The following ELF1 variants were observed in gnomAD, a reference collection of about 807,000 sequenced individuals.
ELF1 encodes E74 like ETS transcription factor 1.
Under a neutral mutation model 59.9 loss-of-function variants are expected in ELF1, and 24 were observed. The observed-to-expected ratio is 0.40, with a 90% confidence interval of 0.29 to 0.56. ELF1 has a LOEUF of 0.56. Ranked by LOEUF, ELF1 falls within the 20% of genes least tolerant of loss-of-function variation. The pLI is 0.44. For synonymous variants in ELF1, 248 were observed against 266.2 expected, an observed-to-expected ratio of 0.93 and a Z score of 0.67; for missense variants, 627 against 742.2, an observed-to-expected ratio of 0.84 and a Z score of 1.80.
intron 1 of ELF1, among the ~76,000 whole-genome samples, chr13:41,010,200 G>T (rs1165818332): frequency 6.8e-6 from 1 of 147,630 alleles, no homozygotes; most frequent in Admixed American, 6.9e-5. Flanking sequence ...GAGCCCAGGA[G>T]TTTAAGACCA....
At chr13:40,945,522 G>A (rs1363618176) in intron 5 of ELF1, among the ~76,000 whole-genome samples, 1 of 152,102 alleles carries the variant, frequency 6.6e-6, no homozygotes, top group Non-Finnish European at 1.5e-5. Flanking sequence ...CTTGAAGAGA[G>A]GTCTTTGGTG....
intron 1 of ELF1, among the ~76,000 whole-genome samples, chr13:41,059,924 C>T (rs1877438714): frequency 6.6e-6 from 1 of 152,136 alleles, no homozygotes; most frequent in Admixed American, 6.5e-5. Flanking sequence ...TTTGGAAAGT[C>T]GATATACTTA....
At chr13:40,964,154 T>C (rs968464771) in intron 2 of ELF1, among the ~76,000 whole-genome samples, 2 of 152,208 alleles carry the variant, frequency 1.3e-5, no homozygotes, top group Non-Finnish European at 2.9e-5. Flanking sequence ...CTAAGAACTC[T>C]AGAACCACAC....
At chr13:40,964,181 T>C (rs751231294) in intron 2 of ELF1, among the ~76,000 whole-genome samples, 1 of 152,210 alleles carries the variant, frequency 6.6e-6, no homozygotes, top group Non-Finnish European at 1.5e-5. Context: ...CAATTCCTTC[T>C]AGAGAACTGC....
chr13:40,941,412 T>C, intron 7 of ELF1, 42 bp from the exon 8 acceptor site: 1 of 1,488,584 alleles, frequency 6.7e-7, no homozygotes, highest in South Asian at 1.4e-5. Context: ...CAAACATCAA[T>C]TAAAATATTC....
At chr13:41,053,353 C>CA (rs771853618) in intron 1 of ELF1, among the ~76,000 whole-genome samples, 2,002 of 125,154 alleles carry the variant, frequency 0.016, 23 homozygotes, top group African/African-American at 0.04. Flanking sequence ...GACTCCGTCT[C>CA]AAAAAAAAAA....
intron 1 of ELF1, among the ~76,000 whole-genome samples, chr13:40,997,406 C>T (rs1405040084): frequency 2.4e-4 from 37 of 152,074 alleles, no homozygotes; most frequent in Admixed American, 2.0e-3. Context: ...TACAGGCACC[C>T]GCCACCACGC....
At chr13:41,005,625 C>G (rs1874703084) in intron 1 of ELF1, among the ~76,000 whole-genome samples, 1 of 152,070 alleles carries the variant, frequency 6.6e-6, no homozygotes, top group African/African-American at 2.4e-5. Flanking sequence ...TATCTCTACT[C>G]CCTTCTCACT....
intron 5 of ELF1, among the ~76,000 whole-genome samples, chr13:40,947,731 C>G (rs994846042): frequency 7.2e-5 from 11 of 152,206 alleles, no homozygotes; most frequent in Middle Eastern, 3.4e-3. Flanking sequence ...TCAGATAAAG[C>G]CCCGTTGAAG....
intron 1 of ELF1, among the ~76,000 whole-genome samples, chr13:41,031,921 T>TA (rs1243476110): frequency 1.3e-5 from 2 of 151,546 alleles, no homozygotes; most frequent in African/African-American, 4.8e-5. Flanking sequence ...AGAAGTTTTA[T>TA]AAAATCCATG....
At chr13:41,009,133 G>A (rs988325919) in intron 1 of ELF1, among the ~76,000 whole-genome samples, 4 of 151,500 alleles carry the variant, frequency 2.6e-5, no homozygotes, top group Admixed American at 1.3e-4. Context: ...TGTAATGGGC[G>A]TATTATTTTT....
rs1425142673 is a variant in ELF1, at chr13:40,933,836, A to G, written c.1449T>C (p.Asn483=). The G allele has an allele frequency of 3.1e-6, 5 of 1,614,176 alleles. No individual in the cohort carries two copies. The highest frequency in any genetic ancestry group is 2.2e-5 in the South Asian group (2 of 91,088). ...SSQPMTVLKE[N]VMLQSQKAGS... ...CCGCCTTTTGTGACTGCAGCATGAC[A>G]TTTTCTTTCAGTACTGTCATGGGCT... The change falls in exon 9 of 9, where the codon AAT becomes AAC. Residue 483 remains asparagine (N), a synonymous_variant. Transcript: ENST00000239882.
chr13:41,055,748 G>A (rs1167056675), intron 1 of ELF1, among the ~76,000 whole-genome samples: 4 of 151,596 alleles, frequency 2.6e-5, no homozygotes, highest in Middle Eastern at 3.4e-3. Context: ...TCAGTGGTGC[G>A]ATCATAGCTC....
At chr13:41,012,189 T>C (rs952262636) in intron 1 of ELF1, among the ~76,000 whole-genome samples, 1 of 151,730 alleles carries the variant, frequency 6.6e-6, no homozygotes, top group Non-Finnish European at 1.5e-5. Context: ...GGTGGGCACC[T>C]GTAATCTCAG....
chr13:41,029,946 G>T (rs1876098576), intron 1 of ELF1, among the ~76,000 whole-genome samples: 5 of 152,250 alleles, frequency 3.3e-5, no homozygotes, highest in African/African-American at 9.6e-5. Context: ...TTAGTTATCA[G>T]ACTAGAGACA....
intron 1 of ELF1, among the ~76,000 whole-genome samples, chr13:41,050,509 T>C (rs936182940): frequency 2.6e-5 from 4 of 152,254 alleles, no homozygotes; most frequent in Non-Finnish European, 1.5e-5. Flanking sequence ...TTCAATTATT[T>C]TGAGTATATA....
intron 2 of ELF1, among the ~76,000 whole-genome samples, chr13:40,965,064 TGTC>T (rs1233609918): frequency 2.6e-5 from 4 of 152,224 alleles, no homozygotes; most frequent in African/African-American, 9.7e-5. Flanking sequence ...GTTTTAAGTC[TGTC>T]ATTTAACAAT....
At chr13:41,003,559 C>T (rs1310531938) in intron 1 of ELF1, among the ~76,000 whole-genome samples, 1 of 152,124 alleles carries the variant, frequency 6.6e-6, no homozygotes, top group Non-Finnish European at 1.5e-5. Flanking sequence ...AAAATTATTG[C>T]TCTGTTGACA....
chr13:40,932,347 T>TA lies in ELF1; in HGVS notation c.*1077dup, dbSNP rs1198149546. The stretch of plus-strand genomic sequence containing the variant: ...CAACCCCCCCCAAGTCCGCCCCCAG[T>TA]AAAAAATGATCCAAAATATAAAGCA... On this transcript the variant is annotated 3_prime_UTR_variant, in exon 9 of 9. Transcript: ENST00000239882. 1.1e-5 allele frequency: 1 copy of TA among 89,500 alleles called. No individual in the cohort carries two copies. Among genetic ancestry groups the TA allele is most frequent in the Non-Finnish European group, 2.1e-5 (1 of 47,654 alleles). 5.5% of individuals were successfully genotyped at this position (89,500 alleles called of 1,614,324 possible). A position where few individuals can be genotyped will look rare whatever the true frequency, so the allele number is the denominator to read the frequency against.
Sources: allele counts gnomAD v4.1 joint callset (sites outside exome capture counted in the v4.1 genomes callset), GRCh38; gene constraint gnomAD v4.1.1; transcripts MANE v1.5; gene names NCBI Gene and HGNC (gene_info 2026-07-23, HGNC 2026-07-21).